The following LIPC variants were observed in gnomAD, a reference collection of about 807,000 sequenced individuals.
LIPC encodes the protein hepatic triacylglycerol lipase.
A neutral mutation model predicts 50.7 loss-of-function variants in LIPC; 44 were observed. That is an observed-to-expected ratio of 0.87 (90% CI 0.68 to 1.11). The LOEUF is 1.11. Ranked by LOEUF, LIPC falls within the 50% of genes most tolerant of loss-of-function variation. The pLI is 0.00. For synonymous variants in LIPC, 271 were observed against 256.4 expected (o/e 1.06, Z -0.54); for missense variants, 697 against 648.2 (o/e 1.08, Z -0.82).
rs145742763 is a variant in LIPC, at chr15:58,542,553, G to A, written c.476G>A (p.Arg159Gln). Residue 159 changes from arginine to glutamine, a missense_variant, in exon 4 of 9, where the codon CGA (arginine) becomes CAA (glutamine). Transcript: ENST00000299022. The part of the protein sequence containing the change: ...RWLEESVQLS[R>Q]SHVHLIGYSL... Reference sequence around the variant, plus strand: ...TTCCAGGAATCTGTGCAACTCTCTCGAAGCCATGTTCACCTAATTGGGTAC... The same window carrying A: ...TTCCAGGAATCTGTGCAACTCTCTCAAAGCCATGTTCACCTAATTGGGTAC... The A allele has an allele frequency of 1.2e-5, 20 of 1,612,946 alleles. No individual in the cohort carries two copies. Among genetic ancestry groups the A allele is most frequent in the African/African-American group, 1.2e-4 (9 of 74,852 alleles).
intron 5 of LIPC, among the ~76,000 whole-genome samples, chr15:58,546,406 G>A (rs560800241): frequency 1.1e-3 from 173 of 152,214 alleles, no homozygotes; most frequent in African/African-American, 3.9e-3. Flanking sequence ...GTGGCTTCTC[G>A]ATGAAGGTCT....
chr15:58,495,112 A>C (rs1323383835), intron 1 of LIPC, among the ~76,000 whole-genome samples: 1 of 152,198 alleles, frequency 6.6e-6, no homozygotes, highest in African/African-American at 2.4e-5. Context: ...TCTTTCTAAA[A>C]TCCCCACAGA....
At chr15:58,548,694 A>G in intron 6 of LIPC, 122 bp downstream of exon 6, 1 of 1,333,128 alleles carries the variant, frequency 7.5e-7, no homozygotes, top group Non-Finnish European at 1.0e-6. Flanking sequence ...GTGTTTCTGA[A>G]ACTGTGCAGG....
In LIPC at chr15:58,438,050, G is replaced by A. The variant is rs554709159; in HGVS notation, c.88+5930G>A. Among the ~76,000 whole-genome samples the A allele has an allele frequency of 5.3e-5, 8 of 152,226 alleles. No homozygotes were observed. The East Asian group carries it at 7.7e-4, about 15-fold the overall frequency. ...TGGAGAGAGAAACTGCAGGGCTGAC[G>A]GTTGAAGGCATGGGGTCTGTAAGCT... is the stretch of plus-strand genomic sequence containing the variant. On this transcript the variant is annotated intron_variant, in intron 1 of 8. Transcript: ENST00000299022.
intron 1 of LIPC, among the ~76,000 whole-genome samples, chr15:58,461,671 G>A (rs1308932434): frequency 6.6e-6 from 1 of 151,802 alleles, no homozygotes; most frequent in Non-Finnish European, 1.5e-5. Context: ...GCCTGCCTTG[G>A]CCTCCCAGAA....
intron 1 of LIPC, chr15:58,495,002 T>C (rs1891718213): frequency 2.5e-6 from 1 of 403,784 alleles, no homozygotes; most frequent in Non-Finnish European, 5.0e-6. Flanking sequence ...CACCGGTCCT[T>C]CCCTCCCCTG....
At chr15:58,560,326 A>T (rs1894115688) in intron 6 of LIPC, among the ~76,000 whole-genome samples, 1 of 152,130 alleles carries the variant, frequency 6.6e-6, no homozygotes, top group Non-Finnish European at 1.5e-5. Flanking sequence ...CACTTATTGA[A>T]ACTCACAGAG....
At chr15:58,451,737 T>G (rs1447006902) in intron 1 of LIPC, among the ~76,000 whole-genome samples, 2 of 152,186 alleles carry the variant, frequency 1.3e-5, no homozygotes, top group South Asian at 2.1e-4. Context: ...CGTGGAGGAC[T>G]GGCTGTGAGG....
At chr15:58,508,570 GTATT>G (rs1470619480) in intron 1 of LIPC, among the ~76,000 whole-genome samples, 6 of 152,074 alleles carry the variant, frequency 3.9e-5, no homozygotes, top group Non-Finnish European at 8.8e-5. Flanking sequence ...CCCTTTATTA[GTATT>G]GAACTGAACA....
chr15:58,510,097 C>T (rs796528014), intron 1 of LIPC, among the ~76,000 whole-genome samples: 4 of 152,266 alleles, frequency 2.6e-5, no homozygotes, highest in African/African-American at 9.6e-5. Flanking sequence ...CATGTATTTG[C>T]TGAGTACCTT....
intron 1 of LIPC, among the ~76,000 whole-genome samples, chr15:58,485,064 C>T (rs1891322312): frequency 6.6e-6 from 1 of 152,168 alleles, no homozygotes; most frequent in African/African-American, 2.4e-5. Context: ...AAGGGTCATT[C>T]CGTAGTTGGG....
chr15:58,432,930 G>A (rs957273444), intron 1 of LIPC, among the ~76,000 whole-genome samples: 2 of 152,166 alleles, frequency 1.3e-5, no homozygotes, highest in Non-Finnish European at 2.9e-5. Context: ...AGAGAGCTCC[G>A]ACAACTTTGA....
At chr15:58,476,124 C>T (rs1280958807) in intron 1 of LIPC, among the ~76,000 whole-genome samples, 7 of 152,242 alleles carry the variant, frequency 4.6e-5, no homozygotes, top group African/African-American at 1.4e-4. Flanking sequence ...GAAAAAGATA[C>T]TGAGTCTTGG....
chr15:58,466,962 C>T lies in LIPC; in HGVS notation c.88+34842C>T, dbSNP rs945764073. On this transcript the variant is annotated intron_variant, in intron 1 of 8. Transcript: ENST00000299022. Reference sequence around the variant, plus strand: ...CAGTTTTCAAGACACTTTTCAGACACCCATTGTCTTGTCTGAATCCTCATG... The same window carrying T: ...CAGTTTTCAAGACACTTTTCAGACATCCATTGTCTTGTCTGAATCCTCATG... 2.0e-5 allele frequency among the ~76,000 whole-genome samples: 3 copies of T among 152,144 alleles called. No individual in the cohort carries two copies. The East Asian group carries it at 5.8e-4, about 29-fold the overall frequency.
intron 1 of LIPC, among the ~76,000 whole-genome samples, chr15:58,514,005 C>T (rs558958282): frequency 6.6e-5 from 10 of 152,280 alleles, no homozygotes; most frequent in Admixed American, 5.9e-4. Flanking sequence ...TGGTGACAGG[C>T]TGGAATATGA....
At chr15:58,496,452 C>T (rs959496907) in intron 1 of LIPC, among the ~76,000 whole-genome samples, 1 of 151,606 alleles carries the variant, frequency 6.6e-6, no homozygotes, top group African/African-American at 2.4e-5. Context: ...GTGCCTGGCA[C>T]GTAATAAAAG....
chr15:58,535,526 A>G (rs1048252321), intron 1 of LIPC, among the ~76,000 whole-genome samples: 6 of 152,350 alleles, frequency 3.9e-5, no homozygotes, highest in South Asian at 2.1e-4. Flanking sequence ...TCGAAGCCTC[A>G]GCCACCTGGG....
chr15:58,452,713 C>T (rs1281640902), intron 1 of LIPC, among the ~76,000 whole-genome samples: 4 of 104,326 alleles, frequency 3.8e-5, no homozygotes, highest in Admixed American at 2.5e-4. Flanking sequence ...TCTGGAGCAC[C>T]GTGGGGTAGG....
intron 1 of LIPC, among the ~76,000 whole-genome samples, chr15:58,468,298 C>T (rs1894649799): frequency 6.6e-6 from 1 of 152,158 alleles, no homozygotes; most frequent in African/African-American, 2.4e-5. Context: ...GAGTGAACAC[C>T]TATGTCCATG....
Sources: allele counts gnomAD v4.1 joint callset (sites outside exome capture counted in the v4.1 genomes callset), GRCh38; gene constraint gnomAD v4.1.1; transcripts MANE v1.5; gene names NCBI Gene and HGNC (gene_info 2026-07-23, HGNC 2026-07-21).